GABRG3: variants seen among roughly 807,000 people sequenced by gnomAD.
GABRG3 encodes gamma-aminobutyric acid receptor subunit gamma-3.
GABRG3 carries 25 observed loss-of-function variants against 48.8 expected under a neutral mutation model. The ratio of observed to expected loss-of-function variants is 0.51; its 90% CI spans 0.37 to 0.72. The LOEUF (loss-of-function observed/expected upper bound fraction) is 0.72. GABRG3 is among the 30% of genes least tolerant of loss of function. The probability of loss-of-function intolerance (pLI) is 0.00; values close to 1 mark genes in which losing one functional copy is unlikely to be tolerated. For synonymous variants in GABRG3, 227 were observed against 217.6 expected (o/e 1.04, Z -0.38); for missense variants, 394 against 577.9 (o/e 0.68, Z 3.26).
At chr15:27,167,931 G>A (rs963168620) in intron 3 of GABRG3, among the ~76,000 whole-genome samples, 3 of 152,194 alleles carry the variant, frequency 2.0e-5, no homozygotes, top group Non-Finnish European at 2.9e-5. Context: ...TGGCACCTGG[G>A]ACTGCAGAAG....
At chr15:27,225,318 A>T (rs1889576968) in intron 3 of GABRG3, among the ~76,000 whole-genome samples, 1 of 152,014 alleles carries the variant, frequency 6.6e-6, no homozygotes, top group South Asian at 2.1e-4. Context: ...CAGGTAGCAG[A>T]ACTGGAGCCG....
intron 3 of GABRG3, among the ~76,000 whole-genome samples, chr15:27,245,080 G>T (rs1159145307): frequency 6.6e-6 from 1 of 152,136 alleles, no homozygotes; most frequent in African/African-American, 2.4e-5. Context: ...TAGTCCTGTG[G>T]GATGTCATAC....
At chr15:27,320,888 T>A (rs1022688375) in intron 3 of GABRG3, among the ~76,000 whole-genome samples, 1 of 152,254 alleles carries the variant, frequency 6.6e-6, no homozygotes, top group Non-Finnish European at 1.5e-5. Flanking sequence ...ATTATTTTCC[T>A]AAAAAGGGCC....
rs1209409379 is a variant in GABRG3 at position 27,538,842 on chromosome 15, A to G, written c.*5961A>G. The G allele has an allele frequency of 2.0e-5, 3 of 152,166 alleles. No homozygotes were observed. Among genetic ancestry groups the G allele is most frequent in the Non-Finnish European group, 4.4e-5 (3 of 68,030 alleles). The allele number at this position is 152,166 out of a possible 1,614,324, so 9.4% of individuals were successfully genotyped here. A position where few individuals can be genotyped will look rare whatever the true frequency, so the allele number is the denominator to read the frequency against. On this transcript the variant is annotated 3_prime_UTR_variant, in exon 10 of 10. Coordinates refer to ENST00000615808, the MANE Select transcript of GABRG3 (RefSeq NM_033223.5). ...GCCTCACTTACTGAAGTTCGATCCC[A>G]GTGAATGATGTGTATGTACCCAACA...
intron 2 of GABRG3, among the ~76,000 whole-genome samples, chr15:27,025,239 A>G (rs1895965007): frequency 6.6e-6 from 1 of 152,096 alleles, no homozygotes; most frequent in African/African-American, 2.4e-5. Context: ...AAATCTCTGG[A>G]AGCCCAAAGT....
At chr15:27,137,057 T>G (rs998022731) in intron 3 of GABRG3, among the ~76,000 whole-genome samples, 2 of 152,200 alleles carry the variant, frequency 1.3e-5, no homozygotes, top group Non-Finnish European at 2.9e-5. Flanking sequence ...AGGAGCTGCC[T>G]GACTCGTACC....
At chr15:27,262,177 C>T (rs962590578) in intron 3 of GABRG3, among the ~76,000 whole-genome samples, 5 of 152,202 alleles carry the variant, frequency 3.3e-5, no homozygotes, top group South Asian at 2.1e-4. Flanking sequence ...GGAAAGGTCA[C>T]GTGCACCAGG....
rs769220987 is a variant in GABRG3, at chr15:27,520,135, A to G, written c.865+11A>G. The G allele has an allele frequency of 3.7e-5, 59 of 1,586,058 alleles. No homozygotes were observed. The highest frequency in any genetic ancestry group is 4.9e-5 in the Non-Finnish European group (57 of 1,168,760). ...CAAGAACAGCATTAGGTGAGTTTCA[A>G]AAAATCTCTTCCACAAATTTGCGTA... On this transcript the variant is annotated intron_variant, in intron 7 of 9. Coordinates refer to ENST00000615808, the MANE Select transcript of GABRG3 (RefSeq NM_033223.5).
At chr15:27,476,931 T>G (rs2150843074) in intron 5 of GABRG3, among the ~76,000 whole-genome samples, 1 of 152,282 alleles carries the variant, frequency 6.6e-6, no homozygotes, top group East Asian at 1.9e-4. Context: ...AAAAGCAATA[T>G]TTACTTACAG....
chr15:27,116,716 G>A (rs1027839558), intron 3 of GABRG3, among the ~76,000 whole-genome samples: 1 of 152,164 alleles, frequency 6.6e-6, no homozygotes, highest in Non-Finnish European at 1.5e-5. Context: ...GGGTCATGAG[G>A]ACTCCTTTCT....
chr15:27,391,152 G>A (rs1887117280), intron 5 of GABRG3, among the ~76,000 whole-genome samples: 1 of 150,854 alleles, frequency 6.6e-6, no homozygotes. Context: ...GAGAATAAAT[G>A]TTCACATAAT....
intron 9 of GABRG3, chr15:27,530,744 T>G (rs752529007): frequency 1.1e-5 from 5 of 470,668 alleles, no homozygotes; most frequent in Non-Finnish European, 1.8e-5. Context: ...TGCCTTACCT[T>G]GCAAATGGCC....
chr15:27,282,890 C>A (rs188403833), intron 3 of GABRG3, among the ~76,000 whole-genome samples: 5 of 152,280 alleles, frequency 3.3e-5, no homozygotes, highest in East Asian at 3.9e-4. Flanking sequence ...GACACCCCCC[C>A]AGCCTCACTG....
intron 5 of GABRG3, among the ~76,000 whole-genome samples, chr15:27,377,166 C>G (rs1895624030): frequency 6.6e-6 from 1 of 152,198 alleles, no homozygotes; most frequent in Admixed American, 6.5e-5. Context: ...TTTCTCATCT[C>G]CATCTGAAAC....
At chr15:27,027,258 T>C (rs545590245) in intron 3 of GABRG3, among the ~76,000 whole-genome samples, 3 of 152,208 alleles carry the variant, frequency 2.0e-5, no homozygotes, top group Non-Finnish European at 4.4e-5. Context: ...CCCTTCCCTG[T>C]GCAAAAGTGC....
chr15:27,465,445 C>CACAATGCAGCATCGGG (rs1419526477), intron 5 of GABRG3, among the ~76,000 whole-genome samples: 3 of 152,206 alleles, frequency 2.0e-5, no homozygotes, highest in Admixed American at 2.0e-4. Context: ...ACTGATGCCC[C>CACAATGCAGCATCGGG]ACAATGCAGC....
chr15:27,139,004 G>A (rs929635920), intron 3 of GABRG3, among the ~76,000 whole-genome samples: 2 of 152,074 alleles, frequency 1.3e-5, no homozygotes, highest in Admixed American at 6.5e-5. Context: ...GGGTGGATAG[G>A]TGATAGATAG....
intron 3 of GABRG3, among the ~76,000 whole-genome samples, chr15:27,047,890 T>C (rs374120396): frequency 3.3e-5 from 5 of 152,194 alleles, no homozygotes; most frequent in African/African-American, 1.2e-4. Flanking sequence ...TTTTAACTGG[T>C]GGTCATTTTG....
chr15:27,110,409 T>G (rs569101037), intron 3 of GABRG3, among the ~76,000 whole-genome samples: 27 of 152,276 alleles, frequency 1.8e-4, no homozygotes, highest in African/African-American at 6.0e-4. Flanking sequence ...TTAGAGCAAT[T>G]TAAAATAGTA....
Sources: allele counts gnomAD v4.1 joint callset (sites outside exome capture counted in the v4.1 genomes callset), GRCh38; gene constraint gnomAD v4.1.1; transcripts MANE v1.5; gene names NCBI Gene and HGNC (gene_info 2026-07-23, HGNC 2026-07-21).